NAV3: variants seen among roughly 807,000 people sequenced by gnomAD.
NAV3 encodes the protein pore membrane and/or filament interacting like protein 1.
Under a neutral mutation model 244.7 loss-of-function variants are expected in NAV3, and 87 were observed. The ratio of observed to expected loss-of-function variants is 0.36; its 90% CI spans 0.30 to 0.42. NAV3 has a LOEUF of 0.42. Ranked by LOEUF, NAV3 falls within the 20% of genes least tolerant of loss-of-function variation. The pLI is 1.00. For synonymous variants in NAV3, 1,126 were observed against 1,042.2 expected, an observed-to-expected ratio of 1.08 and a Z score of -1.55; for missense variants, 2,663 against 2,893.3, an observed-to-expected ratio of 0.92 and a Z score of 1.83.
chr12:77,822,431 A>G (rs1872783034), intron 2 of NAV3, among the ~76,000 whole-genome samples: 2 of 152,174 alleles, frequency 1.3e-5, no homozygotes, highest in Admixed American at 1.3e-4. Context: ...TGTGCCCACA[A>G]ATACACTGTA....
chr12:77,765,560 A>C (rs149079708), intron 2 of NAV3, among the ~76,000 whole-genome samples: 1 of 152,186 alleles, frequency 6.6e-6, no homozygotes, highest in East Asian at 1.9e-4. Context: ...CAGGAAGCCA[A>C]AGATGAAAGG....
chr12:77,643,799 T>C (rs1456488214), intron 2 of NAV3, among the ~76,000 whole-genome samples: 1 of 152,108 alleles, frequency 6.6e-6, no homozygotes, highest in Non-Finnish European at 1.5e-5. Context: ...TTATTGCATA[T>C]TAGGCAAGTA....
intron 24 of NAV3, among the ~76,000 whole-genome samples, chr12:78,170,992 T>A (rs2370402): frequency 0.33 from 50,435 of 151,588 alleles, 8,476 homozygotes; most frequent in South Asian, 0.45. Context: ...TTGAAAGACA[T>A]CAAGATGCCC....
chr12:77,833,267 TGTACA>T (rs1396756572), intron 1 of NAV3, among the ~76,000 whole-genome samples: 2 of 152,264 alleles, frequency 1.3e-5, no homozygotes, highest in Non-Finnish European at 2.9e-5. Context: ...GCTCTCTCCC[TGTACA>T]ATGCTTTATG....
At chr12:77,910,758 C>A (rs910457513) in intron 1 of NAV3, among the ~76,000 whole-genome samples, 2 of 152,006 alleles carry the variant, frequency 1.3e-5, no homozygotes, top group African/African-American at 2.4e-5. Context: ...ACAGGCTGCA[C>A]CTTATATTCT....
chr12:78,004,724 C>T (rs1873900448), intron 7 of NAV3, among the ~76,000 whole-genome samples: 1 of 152,192 alleles, frequency 6.6e-6, no homozygotes, highest in African/African-American at 2.4e-5. Context: ...CTTCCTGATG[C>T]ACAACAACCT....
intron 2 of NAV3, among the ~76,000 whole-genome samples, chr12:77,752,509 G>A (rs530591342): frequency 2.0e-5 from 3 of 152,048 alleles, no homozygotes; most frequent in African/African-American, 7.2e-5. Context: ...TTAATGGAAC[G>A]CTGGAATGCA....
chr12:78,095,784 G>T (rs1473877611), intron 12 of NAV3, among the ~76,000 whole-genome samples: 10 of 152,120 alleles, frequency 6.6e-5, no homozygotes, highest in Admixed American at 4.6e-4. Context: ...TTGGGTAGGT[G>T]TTTCCATGAT....
intron 1 of NAV3, among the ~76,000 whole-genome samples, chr12:77,935,743 C>A (rs1262364561): frequency 3.9e-5 from 6 of 152,124 alleles, no homozygotes; most frequent in Admixed American, 1.3e-4. Context: ...GTTCTGCAGG[C>A]TCCAAAGGTA....
At chr12:78,012,937 C>T (rs1223396319) in intron 8 of NAV3, among the ~76,000 whole-genome samples, 3 of 151,954 alleles carry the variant, frequency 2.0e-5, no homozygotes, top group African/African-American at 7.2e-5. Context: ...ACAGTAGATA[C>T]CAAATAAAAA....
chr12:77,709,283 G>C (rs1249274501), intron 2 of NAV3, among the ~76,000 whole-genome samples: 1 of 152,068 alleles, frequency 6.6e-6, no homozygotes, highest in Non-Finnish European at 1.5e-5. Flanking sequence ...CAATAAATTA[G>C]GTATTGATGG....
intron 24 of NAV3, among the ~76,000 whole-genome samples, chr12:78,173,125 C>A (rs937280526): frequency 6.6e-6 from 1 of 151,498 alleles, no homozygotes; most frequent in Non-Finnish European, 1.5e-5. Flanking sequence ...GATATTCATT[C>A]GGTTAGCCAT....
intron 1 of NAV3, among the ~76,000 whole-genome samples, chr12:77,879,596 A>G (rs1592874479): frequency 7.1e-6 from 1 of 139,994 alleles, no homozygotes. Flanking sequence ...AATTGCTTGA[A>G]CCTGGGGCGG....
intron 2 of NAV3, among the ~76,000 whole-genome samples, chr12:77,741,396 TACAC>T (rs796326898): frequency 5.9e-5 from 9 of 152,116 alleles, no homozygotes; most frequent in Admixed American, 2.6e-4. Context: ...ACATTTTACA[TACAC>T]ACACACATAT....
intron 2 of NAV3, among the ~76,000 whole-genome samples, chr12:77,661,723 A>T (rs944542171): frequency 1.3e-5 from 2 of 152,068 alleles, no homozygotes; most frequent in Non-Finnish European, 2.9e-5. Context: ...TTTTTGGTAC[A>T]TGGTGTGAGA....
At chr12:77,642,561 G>C (rs1872459473) in intron 2 of NAV3, among the ~76,000 whole-genome samples, 1 of 152,034 alleles carries the variant, frequency 6.6e-6, no homozygotes, top group Non-Finnish European at 1.5e-5. Context: ...GGAAGACTGA[G>C]GGTAGTATGC....
intron 2 of NAV3, among the ~76,000 whole-genome samples, chr12:77,739,116 A>C (rs1316491682): frequency 4.0e-5 from 6 of 151,352 alleles, no homozygotes; most frequent in Non-Finnish European, 5.9e-5. Flanking sequence ...GAGGCAAGGA[A>C]TTAGCCTTCG....
chr12:77,890,747 T>C (rs1490356546), intron 1 of NAV3, among the ~76,000 whole-genome samples: 5 of 152,214 alleles, frequency 3.3e-5, no homozygotes, highest in Non-Finnish European at 7.3e-5. Context: ...AGATGGCTTC[T>C]TACACAAAGT....
chr12:77,580,067 G>A (rs532779751), intron 2 of NAV3, among the ~76,000 whole-genome samples: 1 of 152,116 alleles, frequency 6.6e-6, no homozygotes, highest in Non-Finnish European at 1.5e-5. Flanking sequence ...GGCCCCAGCA[G>A]TGCTAGTGTT....
Sources: gnomAD v4.1 joint callset for allele counts (sites outside exome capture counted in the v4.1 genomes callset) on GRCh38, gnomAD v4.1.1 for gene constraint, MANE v1.5 for transcripts, NCBI Gene and HGNC (gene_info 2026-07-23, HGNC 2026-07-21) for gene names.